The following ADCY8 variants were observed in gnomAD, a reference collection of about 807,000 sequenced individuals.
The protein encoded by ADCY8 is adenylate cyclase type 8.
A neutral mutation model predicts 119.7 loss-of-function variants in ADCY8; 51 were observed. The ratio of observed to expected loss-of-function variants is 0.43; its 90% confidence interval spans 0.34 to 0.54. The LOEUF is 0.54. Among genes scored for constraint, ADCY8 ranks in the 20% least tolerant of loss-of-function variants. The pLI, the probability that ADCY8 is intolerant of heterozygous loss-of-function variation, is 0.03. For synonymous variants in ADCY8, 665 were observed against 651.0 expected (o/e 1.02, Z -0.33); for missense variants, 1,383 against 1,598.8 (o/e 0.87, Z 2.30).
intron 2 of ADCY8, among the ~76,000 whole-genome samples, chr8:130,971,426 T>C (rs1821919616): frequency 6.6e-6 from 1 of 152,208 alleles, no homozygotes; most frequent in Non-Finnish European, 1.5e-5. Context: ...AGTTCTGTGT[T>C]TTCTCATTCC....
chr8:130,989,510 G>A (rs973613995), intron 2 of ADCY8, among the ~76,000 whole-genome samples: 1 of 152,014 alleles, frequency 6.6e-6, no homozygotes, highest in African/African-American at 2.4e-5. Context: ...AAGAAAAAGG[G>A]CTTAGTTAAA....
At chr8:130,837,429 A>G (rs1371131433) in intron 11 of ADCY8, among the ~76,000 whole-genome samples, 6 of 152,190 alleles carry the variant, frequency 3.9e-5, no homozygotes, top group Non-Finnish European at 8.8e-5. Context: ...CTCCTCTAAG[A>G]AGACTTCCTC....
At chr8:130,906,990 T>C (rs556666375) in intron 6 of ADCY8, among the ~76,000 whole-genome samples, 2 of 152,134 alleles carry the variant, frequency 1.3e-5, no homozygotes, top group African/African-American at 2.4e-5. Context: ...CAGTGCTGGA[T>C]TGAGACAAGA....
Position 131,040,328 on chromosome 8 carries a change from C to T in ADCY8, c.6G>A (p.Glu2=), listed in dbSNP as rs780915985. Reference sequence around the variant, plus strand: ...CTGTAAGGCAGCGCACATCGGAGAGCTCCATGGCTCTGGGCCGCAGGGAAG... The same window carrying T: ...CTGTAAGGCAGCGCACATCGGAGAGTTCCATGGCTCTGGGCCGCAGGGAAG... M[E]LSDVRCLTGS... Residue 2 remains glutamate (E), a synonymous_variant, in exon 1 of 18, where the codon GAG becomes GAA. Transcript: ENST00000286355. 6.6e-7 allele frequency: 1 copy of T among 1,516,742 alleles called. No homozygotes were observed. The highest frequency in any genetic ancestry group is 2.2e-5 in the Admixed American group (1 of 45,954). 94.0% of individuals were successfully genotyped at this position (1,516,742 alleles called of 1,614,324 possible).
chr8:130,926,067 C>T (rs958923183), intron 5 of ADCY8, among the ~76,000 whole-genome samples: 6 of 152,290 alleles, frequency 3.9e-5, no homozygotes, highest in East Asian at 3.9e-4. Flanking sequence ...CCCAGCGTAT[C>T]GTACCCTAAC....
chr8:130,871,788 C>T (rs1382066117), intron 8 of ADCY8, among the ~76,000 whole-genome samples: 1 of 152,092 alleles, frequency 6.6e-6, no homozygotes, highest in Non-Finnish European at 1.5e-5. Context: ...TGGAAGAAGA[C>T]CCCACTCTCA....
intron 1 of ADCY8, among the ~76,000 whole-genome samples, chr8:131,026,728 C>T (rs1050754611): frequency 2.0e-5 from 3 of 152,050 alleles, no homozygotes; most frequent in Non-Finnish European, 2.9e-5. Flanking sequence ...CAGGTGAAGC[C>T]CAGAAACTGT....
Position 131,022,085 on chromosome 8 carries a change from A to G in ADCY8, c.960+17289T>C, listed in dbSNP as rs78053219. 2.8e-3 allele frequency among the ~76,000 whole-genome samples: 426 copies of G among 152,168 alleles called. 2 individuals carry two copies. Among genetic ancestry groups the G allele is most frequent in the African/African-American group, 9.8e-3 (406 of 41,504 alleles). On this transcript the variant is annotated intron_variant, in intron 1 of 17. Transcript: ENST00000286355. ...GCGTATTTTGATATATTATGTAATG[A>G]TTCTTTTCTTTTTCCATTTGGTGTG...
At chr8:130,928,362 T>A (rs1286323043) in intron 5 of ADCY8, among the ~76,000 whole-genome samples, 2 of 152,216 alleles carry the variant, frequency 1.3e-5, no homozygotes, top group Admixed American at 1.3e-4. Flanking sequence ...TGTGAGCTGC[T>A]GCACTTGGCC....
chr8:130,956,748 C>T (rs1469589840), intron 2 of ADCY8, among the ~76,000 whole-genome samples: 1 of 152,136 alleles, frequency 6.6e-6, no homozygotes, highest in Non-Finnish European at 1.5e-5. Context: ...TTCTTCCTTA[C>T]TGTTCTCATG....
chr8:131,040,144 C>T lies in ADCY8; in HGVS notation c.190G>A (p.Gly64Ser). 9 of 1,532,724 alleles carry T rather than the reference C, an allele frequency of 5.9e-6. No individual in the cohort carries two copies. The highest frequency in any genetic ancestry group is 7.9e-6 in the Non-Finnish European group (9 of 1,145,426). 94.9% of individuals were successfully genotyped at this position (1,532,724 alleles called of 1,614,324 possible). The change falls in exon 1 of 18, where the codon GGC (glycine) becomes AGC (serine). Residue 64 changes from glycine (G) to serine (S), a missense_variant. This residue lies in a region of ADCY8 where 455 missense variants were observed against 435.3 expected (regional missense o/e 1.05). Transcript: ENST00000286355. ...GCAGGGTCCGAGGCTTTGCCCGAGC[C>T]TCCACTCCCGCTGCCGCTGCCTCCC... ...HRGGSGSGSG[G>S]SGKASDPAGG...
At chr8:130,890,782 C>T (rs1363658500) in intron 7 of ADCY8, among the ~76,000 whole-genome samples, 2 of 152,136 alleles carry the variant, frequency 1.3e-5, no homozygotes, top group East Asian at 1.9e-4. Flanking sequence ...GGGCTAACTT[C>T]AGTTTGTGTG....
intron 11 of ADCY8, among the ~76,000 whole-genome samples, chr8:130,843,779 A>G (rs905041617): frequency 1.3e-5 from 2 of 152,138 alleles, no homozygotes; most frequent in Non-Finnish European, 2.9e-5. Flanking sequence ...GCTATACAAT[A>G]TTATCTTCAC....
At chr8:130,881,450 A>C (rs569617770) in intron 8 of ADCY8, among the ~76,000 whole-genome samples, 2 of 152,260 alleles carry the variant, frequency 1.3e-5, no homozygotes, top group South Asian at 4.1e-4. Context: ...GGGTTCCTAT[A>C]TTCATTTGTC....
At chr8:130,935,788 G>C (rs1279190537) in intron 5 of ADCY8, among the ~76,000 whole-genome samples, 2 of 152,168 alleles carry the variant, frequency 1.3e-5, no homozygotes, top group East Asian at 3.8e-4. Context: ...TTGCTAGTTT[G>C]TTTCCTTTGT....
At chr8:130,836,086 A>T (rs564654131) in intron 12 of ADCY8, among the ~76,000 whole-genome samples, 191 bp downstream of exon 12, 2 of 152,332 alleles carry the variant, frequency 1.3e-5, no homozygotes, top group East Asian at 3.9e-4. Flanking sequence ...TCTGTAATTC[A>T]TATAAATGAT....
chr8:131,005,742 C>A (rs941329147), intron 1 of ADCY8, among the ~76,000 whole-genome samples: 4 of 152,298 alleles, frequency 2.6e-5, no homozygotes, highest in Admixed American at 6.5e-5. Flanking sequence ...TATTCCTCTA[C>A]TGTAGAGGAG....
intron 15 of ADCY8, among the ~76,000 whole-genome samples, chr8:130,796,742 G>A (rs577559393): frequency 1.1e-3 from 112 of 106,316 alleles, no homozygotes; most frequent in Non-Finnish European, 1.7e-3. Context: ...CCTTCCCCCC[G>A]CCTCACCCTT....
intron 5 of ADCY8, among the ~76,000 whole-genome samples, chr8:130,912,093 C>T (rs1819999118): frequency 6.6e-6 from 1 of 152,152 alleles, no homozygotes; most frequent in African/African-American, 2.4e-5. Flanking sequence ...GCTTCTACTC[C>T]ATCTTTTAGA....
Sources: gnomAD v4.1 joint callset for allele counts (sites outside exome capture counted in the v4.1 genomes callset) on GRCh38, gnomAD v4.1.1 for gene constraint, gnomAD v4.1.1 regional missense constraint, MANE v1.5 for transcripts, NCBI Gene and HGNC (gene_info 2026-07-23, HGNC 2026-07-21) for gene names.